The following SLC12A2 variants were observed in gnomAD, a reference collection of about 807,000 sequenced individuals.
SLC12A2 encodes the protein solute carrier family 12 member 2, also known as Na-K-2Cl cotransporter 1.
SLC12A2 carries 67 observed loss-of-function variants against 136.3 expected under a neutral mutation model. The ratio of observed to expected loss-of-function variants is 0.49; its 90% CI spans 0.40 to 0.60. The LOEUF (loss-of-function observed/expected upper bound fraction) is 0.60, where lower values mean the gene tolerates loss of function less well. Ranked by LOEUF, SLC12A2 falls within the 20% of genes least tolerant of loss-of-function variation. SLC12A2 has a pLI of 0.00. For synonymous variants in SLC12A2, 619 were observed against 562.9 expected, an observed-to-expected ratio of 1.10 and a Z score of -1.41; for missense variants, 1,322 against 1,534.7, an observed-to-expected ratio of 0.86 and a Z score of 2.32.
intron 1 of SLC12A2, among the ~76,000 whole-genome samples, chr5:128,088,909 C>CT (rs1156614013): frequency 1.3e-5 from 2 of 152,134 alleles, no homozygotes; most frequent in African/African-American, 4.8e-5. Flanking sequence ...TGGCTCACTC[C>CT]TGTAATCCCA....
chr5:128,145,734 C>T (rs1762511947), intron 10 of SLC12A2, among the ~76,000 whole-genome samples: 1 of 151,970 alleles, frequency 6.6e-6, no homozygotes, highest in Non-Finnish European at 1.5e-5. Context: ...CAGACTTATG[C>T]ATTGTGGACA....
chr5:128,113,615 A>G (rs1202672165), intron 2 of SLC12A2, among the ~76,000 whole-genome samples: 1 of 152,210 alleles, frequency 6.6e-6, no homozygotes, highest in Non-Finnish European at 1.5e-5. Context: ...TGCCTAATCC[A>G]TAAGGTGAAT....
chr5:128,184,832 C>G lies in SLC12A2; in HGVS notation c.3479C>G (p.Ser1160Ter). The change falls in exon 26 of 27, where the codon TCA becomes TGA. Residue 1160 changes from serine (S) to a stop codon, truncating the protein, a stop_gained. Transcript: ENST00000262461. LOFTEE classifies it high-confidence loss of function. ...IRLNELLKEH[S>*]STANIIVMSL... is the part of the protein sequence containing the mutation. The stretch of plus-strand genomic sequence containing the variant: ...TTAAATGAGTTATTAAAGGAACATT[C>G]AAGCACAGCTAATATTATTGTCATG... The G allele has an allele frequency of 6.2e-7, 1 of 1,604,732 alleles. No individual in the cohort carries two copies. The highest frequency in any genetic ancestry group is 8.5e-7 in the Non-Finnish European group (1 of 1,171,804).
At chr5:128,117,187 T>C (rs1761381473) in intron 4 of SLC12A2, among the ~76,000 whole-genome samples, 6 of 152,180 alleles carry the variant, frequency 3.9e-5, no homozygotes, top group Admixed American at 3.9e-4. Context: ...GAAATGAGCT[T>C]AGACACCTTT....
chr5:128,144,511 G>A (rs1381695181), intron 10 of SLC12A2, among the ~76,000 whole-genome samples: 1 of 152,078 alleles, frequency 6.6e-6, no homozygotes, highest in South Asian at 2.1e-4. Flanking sequence ...TTTAAATTGT[G>A]TATATAGTCT....
chr5:128,122,956 C>T (rs1761646970), intron 4 of SLC12A2, among the ~76,000 whole-genome samples: 2 of 152,006 alleles, frequency 1.3e-5, no homozygotes, highest in Non-Finnish European at 2.9e-5. Context: ...TTAAATTTAA[C>T]ATAACTTTAT....
At chr5:128,085,062 G>T (rs1760042779) in intron 1 of SLC12A2, among the ~76,000 whole-genome samples, 2 of 151,310 alleles carry the variant, frequency 1.3e-5, no homozygotes, top group African/African-American at 4.9e-5. Flanking sequence ...TGTGCAGTGA[G>T]GATCTCTCGA....
chr5:128,132,901 T>C (rs935683487), intron 5 of SLC12A2, among the ~76,000 whole-genome samples: 1 of 152,192 alleles, frequency 6.6e-6, no homozygotes, highest in Non-Finnish European at 1.5e-5. Flanking sequence ...TTAGGGTTTA[T>C]ACATGTTTTT....
intron 16 of SLC12A2, among the ~76,000 whole-genome samples, 166 bp downstream of exon 16, chr5:128,158,330 T>G (rs1762928532): frequency 6.6e-6 from 1 of 152,064 alleles, no homozygotes; most frequent in South Asian, 2.1e-4. Context: ...AATAGGTAGT[T>G]TTTTGATCCT....
chr5:128,106,761 A>T (rs78022469), intron 1 of SLC12A2, among the ~76,000 whole-genome samples: 3 of 152,064 alleles, frequency 2.0e-5, no homozygotes, highest in Admixed American at 6.5e-5. Flanking sequence ...TAGTTCTTCT[A>T]TTTTGAGGTG....
chr5:128,109,559 C>T (rs1761068826), intron 1 of SLC12A2: 6 of 693,288 alleles, frequency 8.7e-6, no homozygotes, highest in South Asian at 5.9e-5. Context: ...AGAAAGGCAG[C>T]TGAGTCCGGA....
At position 128,084,153 on chromosome 5, in the gene SLC12A2, G is replaced by A; in HGVS notation, c.199G>A (p.Gly67Arg). ...TGAGGGCCCCGCGGCGGCCGGGGAC[G>A]GGCTGGGCAGACCCTTGGGGCCCAC... ...RDEGPAAAGD[G>R]LGRPLGPTPS... The change falls in exon 1 of 27, where the codon GGG (glycine) becomes AGG (arginine). Residue 67 changes from glycine (G) to arginine (R), a missense_variant. Gly to Arg is a moderately radical substitution (Grantham distance 125). This residue lies in a region of SLC12A2 where 358 missense variants were observed against 299.7 expected (regional missense o/e 1.19). Coordinates refer to ENST00000262461, the MANE Select transcript of SLC12A2 (RefSeq NM_001046.3). The surrounding 1 kb of genome is among the most constrained non-coding windows in gnomAD (Gnocchi z 5.6). 6.2e-6 allele frequency: 8 copies of A among 1,297,818 alleles called. No individual in the cohort carries two copies. Among genetic ancestry groups the A allele is most frequent in the Non-Finnish European group, 7.8e-6 (8 of 1,029,956 alleles). 80.4% of individuals were successfully genotyped at this position (1,297,818 alleles called of 1,614,324 possible). A position where few individuals can be genotyped will look rare whatever the true frequency, so the allele number is the denominator to read the frequency against.
In SLC12A2 at chr5:128,186,478, T is replaced by G. The variant is rs1241890219; in HGVS notation, c.3504-18T>G. 1 of 1,573,352 alleles carries G rather than the reference T, an allele frequency of 6.4e-7. No individual in the cohort carries two copies. Among genetic ancestry groups the G allele is most frequent in the African/African-American group, 1.4e-5 (1 of 72,286 alleles). ...TGCTCAGGGTTTTTTTTTTTTCTTT[T>G]TCTCTTTTTGATACCAGGAGTCTCC... On this transcript the variant is annotated intron_variant, in intron 26 of 26. Transcript: ENST00000262461.
In SLC12A2 at chr5:128,187,367, T is replaced by G. The variant is rs1763902550; in HGVS notation, c.*736T>G. On this transcript the variant is annotated 3_prime_UTR_variant, in exon 27 of 27. Transcript: ENST00000262461. Reference sequence around the variant, plus strand: ...TTGAAACCTTAGGGAAGATTGAAGATTCATCCCATACTTCTATATACCATG... The same window carrying G: ...TTGAAACCTTAGGGAAGATTGAAGAGTCATCCCATACTTCTATATACCATG... The G allele has an allele frequency of 1.3e-5, 2 of 152,130 alleles. No individual in the cohort carries two copies. Among genetic ancestry groups the G allele is most frequent in the South Asian group, 4.2e-4 (2 of 4,818 alleles). 9.4% of individuals were successfully genotyped at this position (152,130 alleles called of 1,614,324 possible).
Position 128,150,027 on chromosome 5 carries a change from C to T in SLC12A2, c.2036C>T (p.Ser679Leu). The change falls in exon 13 of 27, where the codon TCA (serine) becomes TTA (leucine). Residue 679 changes from serine to leucine, a missense_variant. Ser to Leu is a moderately radical substitution (Grantham distance 145). Around this residue, in one of 8 missense-constraint regions of SLC12A2, gnomAD observed 294 missense variants for 436.6 expected, o/e 0.67. Transcript: ENST00000262461. ...AELNVIAPII[S>L]NFFLASYALI... is the part of the protein sequence containing the mutation. ...CTGAATGTTATTGCACCAATTATCTCAAACTTCTTCCTTGCATCATATGCA... is the reference window on the plus strand; with the variant it reads ...CTGAATGTTATTGCACCAATTATCTTAAACTTCTTCCTTGCATCATATGCA... The T allele has an allele frequency of 6.2e-7, 1 of 1,611,036 alleles. No individual in the cohort carries two copies. Among genetic ancestry groups the T allele is most frequent in the Non-Finnish European group, 8.5e-7 (1 of 1,178,480 alleles).
At position 128,164,306 on chromosome 5, in the gene SLC12A2, T is replaced by C. The variant is rs147125115; in HGVS notation, c.2616+2506T>C. On this transcript the variant is annotated intron_variant, in intron 17 of 26. Transcript: ENST00000262461. Reference sequence around the variant, plus strand: ...TGGTGTAAATGATTCTTCTGTAAATTTGGCAGGAGCTAGAATTCATCCTCC... The same window carrying C: ...TGGTGTAAATGATTCTTCTGTAAATCTGGCAGGAGCTAGAATTCATCCTCC... Among the ~76,000 whole-genome samples, 57 of 152,286 alleles carry C rather than the reference T, an allele frequency of 3.7e-4. 1 individual carries two copies. The East Asian group carries it at 0.01, about 27-fold the overall frequency.
chr5:128,138,899 G>A lies in SLC12A2; in HGVS notation c.1612G>A (p.Val538Ile). Residue 538 changes from valine to isoleucine, a missense_variant, in exon 9 of 27, where the codon GTA becomes ATA. This residue lies in a region of SLC12A2 where 294 missense variants were observed against 436.6 expected (regional missense o/e 0.67). Coordinates refer to ENST00000262461, the MANE Select transcript of SLC12A2 (RefSeq NM_001046.3). ...TACATTGGTTTACGTAGGAATTGCAGTATCTGTAGGTAAATAGTTTCACAT... is the reference window on the plus strand; with the variant it reads ...TACATTGGTTTACGTAGGAATTGCAATATCTGTAGGTAAATAGTTTCACAT... ...ITTLVYVGIAVSVGSCVVRDA... is the reference protein window; with the variant it reads ...ITTLVYVGIAISVGSCVVRDA... 2.5e-6 allele frequency: 4 copies of A among 1,604,588 alleles called. No homozygotes were observed. Among genetic ancestry groups the A allele is most frequent in the Non-Finnish European group, 3.4e-6 (4 of 1,172,070 alleles).
intron 1 of SLC12A2, among the ~76,000 whole-genome samples, chr5:128,087,931 T>G (rs1322465240): frequency 1.3e-5 from 2 of 151,982 alleles, no homozygotes; most frequent in African/African-American, 4.8e-5. Context: ...TTGGGAGAAG[T>G]TTGTATTTGA....
intron 12 of SLC12A2, 140 bp from the exon 13 acceptor site, chr5:128,149,857 T>C: frequency 1.5e-6 from 1 of 674,066 alleles, no homozygotes; most frequent in Non-Finnish European, 2.6e-6. Flanking sequence ...GAGGCATATA[T>C]GGCAAACTCT....
Sources: gnomAD v4.1 joint callset for allele counts (sites outside exome capture counted in the v4.1 genomes callset) on GRCh38, gnomAD v4.1.1 for gene constraint, gnomAD v4.1.1 regional missense constraint, Gnocchi (gnomAD v3.1) non-coding constraint, MANE v1.5 for transcripts, NCBI Gene and HGNC (gene_info 2026-07-23, HGNC 2026-07-21) for gene names.